The following MACC1 variants were observed in gnomAD, a reference collection of about 807,000 sequenced individuals.
MACC1 encodes the protein MET transcriptional regulator MACC1, also known as metastasis-associated in colon cancer protein 1.
Under a neutral mutation model 70.7 loss-of-function variants are expected in MACC1, and 79 were observed. That is an observed-to-expected ratio of 1.12 (90% CI 0.93 to 1.35). The LOEUF is 1.35. MACC1 is among the 40% of genes most tolerant of loss of function. The pLI is 0.00. For synonymous variants in MACC1, 361 were observed against 347.2 expected (o/e 1.04, Z -0.44); for missense variants, 1,106 against 978.1 (o/e 1.13, Z -1.74).
At chr7:20,141,289 T>G in intron 6 of MACC1, 131 bp from the exon 7 acceptor site, 1 of 559,380 alleles carries the variant, frequency 1.8e-6, no homozygotes, top group Non-Finnish European at 3.0e-6. Context: ...ATGGACTTAT[T>G]TGATGTCATA....
At chr7:20,196,589 T>TA (rs1554291469) in intron 1 of MACC1, among the ~76,000 whole-genome samples, 5 of 151,536 alleles carry the variant, frequency 3.3e-5, no homozygotes, top group Non-Finnish European at 5.9e-5. Context: ...CCGGCCCATT[T>TA]TATATATATA....
chr7:20,190,423 T>C (rs1782655476), intron 1 of MACC1, among the ~76,000 whole-genome samples: 1 of 152,240 alleles, frequency 6.6e-6, no homozygotes, highest in Non-Finnish European at 1.5e-5. Flanking sequence ...AATTAATTAA[T>C]AAATTTTTAT....
intron 1 of MACC1, among the ~76,000 whole-genome samples, chr7:20,196,077 C>A (rs73685451): frequency 0.012 from 1,818 of 152,028 alleles, 34 homozygotes; most frequent in African/African-American, 0.042. Context: ...TCTCTGGGGT[C>A]CCTTTGGCCA....
intron 3 of MACC1, 66 bp downstream of exon 3, chr7:20,164,190 G>C (rs1782178395): frequency 6.6e-6 from 1 of 152,388 alleles, no homozygotes; most frequent in Non-Finnish European, 1.5e-5. Flanking sequence ...GCCCACCTTG[G>C]CCTACCAAAG....
chr7:20,155,228 G>A (rs1255519001), intron 5 of MACC1, among the ~76,000 whole-genome samples: 5 of 152,038 alleles, frequency 3.3e-5, no homozygotes, highest in Admixed American at 6.6e-5. Context: ...CCCTTAGGAG[G>A]GGGAATCCAA....
At chr7:20,148,041 C>G (rs2128100901) in intron 6 of MACC1, among the ~76,000 whole-genome samples, 1 of 152,188 alleles carries the variant, frequency 6.6e-6, no homozygotes, top group Non-Finnish European at 1.5e-5. Context: ...TGAAAAAATA[C>G]AGTGTCAAGA....
In MACC1 at chr7:20,140,642, A is replaced by C. The variant is rs1781782851; in HGVS notation, c.*304T>G. ...CTTTTTTCTTTCCTTTCTAAGAACA[A>C]AGCAGCCTAATACTTGTATTTGAAA... On this transcript the variant is annotated 3_prime_UTR_variant, in exon 7 of 7. Coordinates refer to ENST00000400331, the MANE Select transcript of MACC1 (RefSeq NM_182762.4). The C allele has an allele frequency of 3.8e-6, 1 of 265,302 alleles. No homozygotes were observed. Among genetic ancestry groups the C allele is most frequent in the Admixed American group, 5.3e-5 (1 of 18,830 alleles). The allele number at this position is 265,302 out of a possible 1,614,324, so 16.4% of individuals were successfully genotyped here.
intron 2 of MACC1, among the ~76,000 whole-genome samples, chr7:20,165,472 A>T (rs1782201992): frequency 6.6e-6 from 1 of 151,678 alleles, no homozygotes; most frequent in African/African-American, 2.4e-5. Flanking sequence ...ACATCCCTCC[A>T]TCCCTCACAG....
intron 6 of MACC1, chr7:20,141,940 C>CAT (rs1781811004): frequency 6.9e-6 from 1 of 145,612 alleles, no homozygotes; most frequent in Admixed American, 7.1e-5. Context: ...CACACACACA[C>CAT]GCACACACAC....
At chr7:20,191,748 A>C (rs1782676677) in intron 1 of MACC1, among the ~76,000 whole-genome samples, 1 of 152,178 alleles carries the variant, frequency 6.6e-6, no homozygotes, top group South Asian at 2.1e-4. Flanking sequence ...TCTAACTAAA[A>C]TACGGCTGGC....
intron 1 of MACC1, among the ~76,000 whole-genome samples, chr7:20,195,312 G>T (rs1782732421): frequency 6.6e-6 from 1 of 152,146 alleles, no homozygotes; most frequent in Admixed American, 6.5e-5. Context: ...TTAGAAAGGA[G>T]ACTTTATTTC....
chr7:20,176,286 A>G (rs1170535576), intron 1 of MACC1, among the ~76,000 whole-genome samples: 1 of 152,088 alleles, frequency 6.6e-6, no homozygotes, highest in African/African-American at 2.4e-5. Context: ...TTATACCTCA[A>G]TAAAACTCGT....
chr7:20,186,781 T>C (rs547223706), intron 1 of MACC1, among the ~76,000 whole-genome samples: 1 of 152,116 alleles, frequency 6.6e-6, no homozygotes, highest in Admixed American at 6.6e-5. Context: ...CCAAACAAAT[T>C]AGTATAAATA....
At chr7:20,190,739 T>C (rs971017055) in intron 1 of MACC1, among the ~76,000 whole-genome samples, 1 of 152,234 alleles carries the variant, frequency 6.6e-6, no homozygotes, top group Admixed American at 6.5e-5. Context: ...TTTTTCATTT[T>C]TGAAAGCCTG....
At chr7:20,171,286 C>G (rs1463836974) in intron 1 of MACC1, among the ~76,000 whole-genome samples, 2 of 149,534 alleles carry the variant, frequency 1.3e-5, no homozygotes, top group Non-Finnish European at 3.0e-5. Flanking sequence ...GAGTCTTGCT[C>G]TGTCGCCCAG....
At chr7:20,207,107 CA>C (rs1782923978) in intron 1 of MACC1, among the ~76,000 whole-genome samples, 1 of 151,900 alleles carries the variant, frequency 6.6e-6, no homozygotes, top group Non-Finnish European at 1.5e-5. Flanking sequence ...TTCTAAAATG[CA>C]AGTTTCATCA....
At chr7:20,210,209 C>A (rs561763044) in intron 1 of MACC1, among the ~76,000 whole-genome samples, 1 of 151,602 alleles carries the variant, frequency 6.6e-6, no homozygotes, top group South Asian at 2.1e-4. Context: ...TTGAAATCAG[C>A]AAAAAACACA....
chr7:20,182,342 A>G (rs902030389), intron 1 of MACC1, among the ~76,000 whole-genome samples: 2 of 152,160 alleles, frequency 1.3e-5, no homozygotes, highest in African/African-American at 4.8e-5. Flanking sequence ...AAAGTATAAT[A>G]ATAATAATAA....
In MACC1 at chr7:20,159,934, GT is replaced by G. The variant is rs1359033784; in HGVS notation, c.426del (p.Glu142AspfsTer6). The G allele has an allele frequency of 6.2e-7, 1 of 1,614,144 alleles. No homozygotes were observed. Among genetic ancestry groups the G allele is most frequent in the Admixed American group, 1.7e-5 (1 of 59,994 alleles). On this transcript the variant is annotated frameshift_variant, in exon 5 of 7. Transcript: ENST00000400331. LOFTEE classifies it high-confidence loss of function. ...GCTGTGTCGTCTAAAATGTCCAGAA[GT>G]TCTGAAACACTTTTAGATCTTCCAG... ...RNSGRSKSVS[E>X]LLDILDDTAH...
Sources: gnomAD v4.1 joint callset for allele counts (sites outside exome capture counted in the v4.1 genomes callset) on GRCh38, gnomAD v4.1.1 for gene constraint, MANE v1.5 for transcripts, NCBI Gene and HGNC (gene_info 2026-07-23, HGNC 2026-07-21) for gene names.